Variants in ANKRD40 observed in about 807,000 individuals in gnomAD.
The protein encoded by ANKRD40 is ankyrin repeat domain-containing protein 40.
ANKRD40 carries 24 observed loss-of-function variants against 35.5 expected under a neutral mutation model. The ratio of observed to expected loss-of-function variants is 0.68; its 90% CI spans 0.49 to 0.95. The LOEUF (loss-of-function observed/expected upper bound fraction) is 0.95, where lower values mean the gene tolerates loss of function less well. Ranked by LOEUF, ANKRD40 falls within the 40% of genes least tolerant of loss-of-function variation. ANKRD40 has a pLI of 0.00. For missense variants in ANKRD40, 361 were observed against 436.0 expected (o/e 0.83, Z 1.53); for synonymous variants, 147 against 173.5 (o/e 0.85, Z 1.20).
At chr17:50,700,173 G>A (rs1418296689) in intron 2 of ANKRD40, 4 of 308,462 alleles carry the variant, frequency 1.3e-5, no homozygotes, top group Non-Finnish European at 1.2e-5. Flanking sequence ...GCCGGGAGCG[G>A]TGCCTCATGC....
chr17:50,700,464 A>C (rs1968258516), intron 2 of ANKRD40, 104 bp downstream of exon 2: 4 of 1,165,900 alleles, frequency 3.4e-6, no homozygotes, highest in Non-Finnish European at 3.6e-6. Context: ...AAAAAAAGAA[A>C]GAAATAGAGC....
chr17:50,706,301 T>C (rs1968337540), intron 1 of ANKRD40, among the ~76,000 whole-genome samples: 1 of 151,470 alleles, frequency 6.6e-6, no homozygotes, highest in Admixed American at 6.6e-5. Flanking sequence ...TTTGTATTTT[T>C]AGTAGAGACG....
chr17:50,700,676 C>G lies in ANKRD40; in HGVS notation c.175G>C (p.Val59Leu). 2 of 1,614,048 alleles carry G rather than the reference C, an allele frequency of 1.2e-6. No individual in the cohort carries two copies. The highest frequency in any genetic ancestry group is 8.5e-7 in the Non-Finnish European group (1 of 1,179,992). Residue 59 changes from valine to leucine, a missense_variant, in exon 2 of 5, where the codon GTG becomes CTG. Val to Leu is a conservative substitution (Grantham distance 32). This residue lies in a region of ANKRD40 where 35 missense variants were observed against 68.4 expected (regional missense o/e 0.51). Coordinates refer to ENST00000285243, the MANE Select transcript of ANKRD40 (RefSeq NM_052855.4). The part of the protein sequence containing the change: ...HWACKRNHGQ[V>L]VSYLLKSGAD... Reference sequence around the variant, plus strand: ...CCTGATTTTAACAGGTAAGAGACCACCTGACCATGGTTTCGTTTACATGCC... The same window carrying G: ...CCTGATTTTAACAGGTAAGAGACCAGCTGACCATGGTTTCGTTTACATGCC...
intron 3 of ANKRD40, among the ~76,000 whole-genome samples, chr17:50,699,144 G>A (rs1237500247): frequency 6.6e-6 from 1 of 152,042 alleles, no homozygotes; most frequent in Admixed American, 6.6e-5. Context: ...GGGTGACAGG[G>A]CGAAGCTACG....
rs1391800569 is a variant in ANKRD40, at chr17:50,697,060, A to G, written c.840T>C (p.Ile280=). The change falls in exon 4 of 5, where the codon ATT becomes ATC. Residue 280 remains isoleucine, a synonymous_variant. Coordinates refer to ENST00000285243, the MANE Select transcript of ANKRD40 (RefSeq NM_052855.4). ...AGGTGAGCTCCTGTCGGTCCAGTTC[A>G]ATTTCAATGAAATCATTTTCTCGAA... ...PSLRENDFIE[I]ELDRQELTYQ... is the part of the protein sequence containing the mutation. The G allele has an allele frequency of 6.2e-7, 1 of 1,614,024 alleles. No homozygotes were observed. Among genetic ancestry groups the G allele is most frequent in the African/African-American group, 1.3e-5 (1 of 74,918 alleles).
Position 50,707,600 on chromosome 17 carries a change from C to G in ANKRD40, c.55G>C (p.Ala19Pro). ...TGCACCTCCCGAATGTCCCCTAAGG[C>G]CGCGGCCTCCCGCAGCCTCTCCTGC... ...EQQERLREAA[A>P]LGDIREVQKL... Residue 19 changes from alanine (A) to proline (P), a missense_variant, in exon 1 of 5, where the codon GCC (alanine) becomes CCC (proline). Physicochemically the swap from Ala to Pro is conservative, Grantham distance 27. Around this residue, in one of 5 missense-constraint regions of ANKRD40, gnomAD observed 56 missense variants for 47.1 expected, o/e 1.19. Transcript: ENST00000285243. This position sits in a 1 kb window ranked among gnomAD's most constrained non-coding sequence, Gnocchi z 4.8. 1 of 1,604,462 alleles carries G rather than the reference C, an allele frequency of 6.2e-7. No homozygotes were observed. The highest frequency in any genetic ancestry group is 8.5e-7 in the Non-Finnish European group (1 of 1,175,654).
chr17:50,697,471 T>C (rs928758055), intron 3 of ANKRD40, among the ~76,000 whole-genome samples: 6 of 152,078 alleles, frequency 3.9e-5, no homozygotes, highest in African/African-American at 1.4e-4. Flanking sequence ...AAACTATACA[T>C]GAACAGGGGA....
chr17:50,695,764 C>A lies in ANKRD40; in HGVS notation c.*233G>T. Reference sequence around the variant, plus strand: ...GCTTCTGCCTCTCCAGACCACTTCTCAGCTGTTCAAAGCTTCAAGCAATAG... The same window carrying A: ...GCTTCTGCCTCTCCAGACCACTTCTAAGCTGTTCAAAGCTTCAAGCAATAG... On this transcript the variant is annotated 3_prime_UTR_variant, in exon 5 of 5. Transcript: ENST00000285243. 1 of 445,168 alleles carries A rather than the reference C, an allele frequency of 2.2e-6. No homozygotes were observed. Among genetic ancestry groups the A allele is most frequent in the East Asian group, 3.4e-5 (1 of 29,716 alleles). 27.6% of individuals were successfully genotyped at this position (445,168 alleles called of 1,614,324 possible).
At chr17:50,701,369 C>T (rs1259593888) in intron 1 of ANKRD40, among the ~76,000 whole-genome samples, 4 of 152,218 alleles carry the variant, frequency 2.6e-5, no homozygotes, top group Non-Finnish European at 5.9e-5. Context: ...AGGCACTGCA[C>T]ACATACTTTA....
rs1264105763 is a variant in ANKRD40, at chr17:50,707,481, C to G, written c.134+40G>C. On this transcript the variant is annotated intron_variant, in intron 1 of 4. Transcript: ENST00000285243. The surrounding 1 kb of genome is among the most constrained non-coding windows in gnomAD (Gnocchi z 4.8). ...GACTGACTGCCCCACGCCTTCCGACCGGCTGCCCTGACCCTAGGCCTCCCC... is the reference window on the plus strand; with the variant it reads ...GACTGACTGCCCCACGCCTTCCGACGGGCTGCCCTGACCCTAGGCCTCCCC... 6.3e-7 allele frequency: 1 copy of G among 1,588,112 alleles called. No homozygotes were observed. The highest frequency in any genetic ancestry group is 1.7e-5 in the Admixed American group (1 of 58,142).
rs571966510 is a variant in ANKRD40, at chr17:50,694,523, C to G, written c.*1474G>C. On this transcript the variant is annotated 3_prime_UTR_variant, in exon 5 of 5. Coordinates refer to ENST00000285243, the MANE Select transcript of ANKRD40 (RefSeq NM_052855.4). ...TTAAGACAGCAGGGATGCTCTTCGA[C>G]AGCTGGCTTCAAACCCCTGCTCTCC... 21 of 152,358 alleles carry G rather than the reference C, an allele frequency of 1.4e-4. No individual in the cohort carries two copies. The highest frequency in any genetic ancestry group is 5.1e-4 in the African/African-American group (21 of 41,574). 9.4% of individuals were successfully genotyped at this position (152,358 alleles called of 1,614,324 possible). A position where few individuals can be genotyped will look rare whatever the true frequency, so the allele number is the denominator to read the frequency against.
At chr17:50,704,123 G>A (rs1162610111) in intron 1 of ANKRD40, among the ~76,000 whole-genome samples, 1 of 151,994 alleles carries the variant, frequency 6.6e-6, no homozygotes, top group African/African-American at 2.4e-5. Flanking sequence ...TGAGGACTCA[G>A]AGGAGCAGGC....
chr17:50,696,276 G>T, intron 4 of ANKRD40, 133 bp from the exon 5 acceptor site: 1 of 1,021,558 alleles, frequency 9.8e-7, no homozygotes, highest in Non-Finnish European at 1.4e-6. Flanking sequence ...GGCAGGCTAA[G>T]TCAGTGATAG....
chr17:50,706,447 T>C (rs1968340099), intron 1 of ANKRD40, among the ~76,000 whole-genome samples: 1 of 152,122 alleles, frequency 6.6e-6, no homozygotes, highest in Non-Finnish European at 1.5e-5. Context: ...AATCAAAATT[T>C]TAAATTTTAA....
At chr17:50,698,985 C>CAAAAA (rs5820829) in intron 3 of ANKRD40, among the ~76,000 whole-genome samples, 7 of 69,616 alleles carry the variant, frequency 1.0e-4, no homozygotes, top group Admixed American at 1.8e-4. Flanking sequence ...ACTAAAAATA[C>CAAAAA]AAAAAAAAAA....
chr17:50,699,880 A>ATCT lies in ANKRD40; in HGVS notation c.294_296dup (p.Glu98dup), dbSNP rs748907253. 14 of 1,505,410 alleles carry ATCT rather than the reference A, an allele frequency of 9.3e-6. No individual in the cohort carries two copies. The East Asian group carries it at 1.6e-4, about 17-fold the overall frequency. 93.3% of individuals were successfully genotyped at this position (1,505,410 alleles called of 1,614,324 possible). A position where few individuals can be genotyped will look rare whatever the true frequency, so the allele number is the denominator to read the frequency against. On this transcript the variant is annotated inframe_insertion, in exon 3 of 5. Coordinates refer to ENST00000285243, the MANE Select transcript of ANKRD40 (RefSeq NM_052855.4). ...GGTTGTCATCATCATCATCATCATCATCTTCTTCTTCCACTTAAAAAGAAG... is the reference window on the plus strand; with the variant it reads ...GGTTGTCATCATCATCATCATCATCATCTTCTTCTTCTTCCACTTAAAAAGAAG...
Position 50,695,805 on chromosome 17 carries a change from A to T in ANKRD40, c.*192T>A, listed in dbSNP as rs1350967657. ...CAAGCAATAGGTTTACTGTGCACCAAGAGGCTTGGAAGAGTGGCACCACTG... is the reference window on the plus strand; with the variant it reads ...CAAGCAATAGGTTTACTGTGCACCATGAGGCTTGGAAGAGTGGCACCACTG... On this transcript the variant is annotated 3_prime_UTR_variant, in exon 5 of 5. Coordinates refer to ENST00000285243, the MANE Select transcript of ANKRD40 (RefSeq NM_052855.4). The T allele has an allele frequency of 1.8e-6, 1 of 566,294 alleles. No homozygotes were observed. The highest frequency in any genetic ancestry group is 3.0e-6 in the Non-Finnish European group (1 of 333,364). The allele number at this position is 566,294 out of a possible 1,614,324, so 35.1% of individuals were successfully genotyped here.
rs76260169 is a variant in ANKRD40, at chr17:50,697,988, A to T, written c.779-867T>A. On this transcript the variant is annotated intron_variant, in intron 3 of 4. Coordinates refer to ENST00000285243, the MANE Select transcript of ANKRD40 (RefSeq NM_052855.4). ...TTTTAATATTTTTAAAAAGTTATAC[A>T]TAGAGAAATATTGATATCTTTCCTG... Among the ~76,000 whole-genome samples, 1,112 of 152,340 alleles carry T rather than the reference A, an allele frequency of 7.3e-3. 31 individuals are homozygous for T. Among genetic ancestry groups the T allele is most frequent in the Admixed American group, 0.048 (737 of 15,294 alleles).
At chr17:50,702,133 G>A (rs1037832991) in intron 1 of ANKRD40, among the ~76,000 whole-genome samples, 19 of 152,158 alleles carry the variant, frequency 1.2e-4, no homozygotes, top group African/African-American at 3.1e-4. Context: ...GGCCAGGCAC[G>A]GTGGCTCACA....
Sources: gnomAD v4.1 joint callset for allele counts (sites outside exome capture counted in the v4.1 genomes callset) on GRCh38, gnomAD v4.1.1 for gene constraint, gnomAD v4.1.1 regional missense constraint, Gnocchi (gnomAD v3.1) non-coding constraint, MANE v1.5 for transcripts, NCBI Gene and HGNC (gene_info 2026-07-23, HGNC 2026-07-21) for gene names.